The following SLC24A2 variants were observed in gnomAD, a reference collection of about 807,000 sequenced individuals.
SLC24A2 encodes the protein sodium/potassium/calcium exchanger 2.
Under a neutral mutation model 62.0 loss-of-function variants are expected in SLC24A2, and 36 were observed. That is an observed-to-expected ratio of 0.58 (90% CI 0.44 to 0.77). The LOEUF is 0.77. Among genes scored for constraint, SLC24A2 ranks in the 30% least tolerant of loss-of-function variants. The probability of loss-of-function intolerance (pLI) is 0.00; values close to 1 mark genes in which losing one functional copy is unlikely to be tolerated. For missense variants in SLC24A2, 846 were observed against 817.9 expected (o/e 1.03, Z -0.42); for synonymous variants, 358 against 294.0 (o/e 1.22, Z -2.23).
At chr9:19,529,809 G>C (rs1007322788) in intron 8 of SLC24A2, among the ~76,000 whole-genome samples, 1 of 150,570 alleles carries the variant, frequency 6.6e-6, no homozygotes, top group African/African-American at 2.4e-5. Context: ...GGAGTGCAGT[G>C]GCATGATCTT....
At chr9:20,039,578 G>A in the SLC24A2 span, among the ~76,000 whole-genome samples, 1 of 152,052 alleles carries the variant, frequency 6.6e-6, no homozygotes, top group Non-Finnish European at 1.5e-5. Flanking sequence ...GTGGAAATAG[G>A]CAGCAAGTCC....
At chr9:20,123,655 C>A in the SLC24A2 span, among the ~76,000 whole-genome samples, 1 of 152,090 alleles carries the variant, frequency 6.6e-6, no homozygotes, top group Admixed American at 6.6e-5. Context: ...GTCATGTGGA[C>A]TGAGCTAATA....
the SLC24A2 span, among the ~76,000 whole-genome samples, chr9:20,226,280 T>G: frequency 6.6e-6 from 1 of 152,114 alleles, no homozygotes; most frequent in Non-Finnish European, 1.5e-5. Flanking sequence ...AACCATGTAT[T>G]TTCTTCCAGC....
At chr9:19,850,988 T>TATATAC in the SLC24A2 span, among the ~76,000 whole-genome samples, 9 of 45,712 alleles carry the variant, frequency 2.0e-4, no homozygotes, top group South Asian at 2.0e-3. Flanking sequence ...TATATATGTA[T>TATATAC]ATATATATAT....
the SLC24A2 span, among the ~76,000 whole-genome samples, chr9:20,192,467 G>A: frequency 6.6e-6 from 1 of 152,120 alleles, no homozygotes; most frequent in African/African-American, 2.4e-5. Flanking sequence ...ATCTTGTAGA[G>A]GAGGAATCAT....
chr9:20,104,901 G>A, the SLC24A2 span, among the ~76,000 whole-genome samples: 1 of 152,042 alleles, frequency 6.6e-6, no homozygotes, highest in Non-Finnish European at 1.5e-5. Flanking sequence ...AGACACACTG[G>A]CAAACTGGAT....
At chr9:19,764,029 G>A (rs13294791) in intron 2 of SLC24A2, among the ~76,000 whole-genome samples, 3 of 152,098 alleles carry the variant, frequency 2.0e-5, no homozygotes, top group African/African-American at 7.2e-5. Flanking sequence ...CTTCTTCCTG[G>A]TTTAGTCTTG....
chr9:19,936,330 G>A, the SLC24A2 span, among the ~76,000 whole-genome samples: 74 of 152,272 alleles, frequency 4.9e-4, 1 homozygote, highest in East Asian at 0.014. Context: ...CTGGAGTAGG[G>A]TGACATGATC....
At chr9:20,061,765 C>G in the SLC24A2 span, among the ~76,000 whole-genome samples, 1 of 151,882 alleles carries the variant, frequency 6.6e-6, no homozygotes, top group Admixed American at 6.6e-5. Flanking sequence ...ATTTGTACGG[C>G]CTTTGGTTAG....
At chr9:19,942,416 C>A in the SLC24A2 span, among the ~76,000 whole-genome samples, 1 of 152,160 alleles carries the variant, frequency 6.6e-6, no homozygotes, top group Non-Finnish European at 1.5e-5. Flanking sequence ...GAATCAGTGT[C>A]TGATTCAGGA....
intron 2 of SLC24A2, among the ~76,000 whole-genome samples, chr9:19,660,905 G>A (rs535675517): frequency 5.0e-4 from 76 of 152,256 alleles, no homozygotes; most frequent in African/African-American, 1.8e-3. Flanking sequence ...GGCTTGGAGA[G>A]GTTTTGTAAT....
the SLC24A2 span, among the ~76,000 whole-genome samples, chr9:20,193,516 A>G: frequency 4.0e-5 from 6 of 151,840 alleles, no homozygotes; most frequent in Admixed American, 3.9e-4. Context: ...TATTTTTAAT[A>G]TATGTAATGT....
At chr9:20,160,646 A>C in the SLC24A2 span, among the ~76,000 whole-genome samples, 5 of 151,252 alleles carry the variant, frequency 3.3e-5, no homozygotes, top group Non-Finnish European at 7.4e-5. Context: ...AAATTATAAA[A>C]TATTCTATTA....
the SLC24A2 span, among the ~76,000 whole-genome samples, chr9:20,278,030 G>A: frequency 6.6e-6 from 1 of 151,816 alleles, no homozygotes; most frequent in Non-Finnish European, 1.5e-5. Flanking sequence ...GGTGGGAATT[G>A]AACAATGAGA....
chr9:20,264,924 G>T, the SLC24A2 span, among the ~76,000 whole-genome samples: 1 of 152,260 alleles, frequency 6.6e-6, no homozygotes, highest in East Asian at 1.9e-4. Context: ...GTCACTGTTG[G>T]ACTGTTGGAG....
the SLC24A2 span, among the ~76,000 whole-genome samples, chr9:19,919,297 CA>C: frequency 2.0e-5 from 3 of 152,062 alleles, no homozygotes; most frequent in African/African-American, 7.2e-5. Flanking sequence ...TTCTTTCACA[CA>C]CAGTTATTTT....
At chr9:20,097,059 C>T in the SLC24A2 span, among the ~76,000 whole-genome samples, 2 of 152,184 alleles carry the variant, frequency 1.3e-5, no homozygotes, top group African/African-American at 2.4e-5. Flanking sequence ...CAATATAATA[C>T]ATGATAAACA....
chr9:19,671,287 G>A lies in SLC24A2; in HGVS notation c.931-48988C>T, dbSNP rs535105067. On this transcript the variant is annotated intron_variant, in intron 2 of 10. Transcript: ENST00000341998. ...CCTCCTTGGTTAGGTATATTCCTCA[G>A]TATTTTATTATTATTATTTTTTGCA... Among the ~76,000 whole-genome samples, 6 of 151,734 alleles carry A rather than the reference G, an allele frequency of 4.0e-5. No homozygotes were observed. The South Asian group carries it at 1.3e-3, about 32-fold the overall frequency.
the SLC24A2 span, among the ~76,000 whole-genome samples, chr9:20,065,479 C>T: frequency 6.6e-6 from 1 of 152,056 alleles, no homozygotes; most frequent in Non-Finnish European, 1.5e-5. Flanking sequence ...GGGAGGTGAC[C>T]CTCACAGGAA....
Sources: gnomAD v4.1 joint callset for allele counts (sites outside exome capture counted in the v4.1 genomes callset) on GRCh38, gnomAD v4.1.1 for gene constraint, MANE v1.5 for transcripts, NCBI Gene and HGNC (gene_info 2026-07-23, HGNC 2026-07-21) for gene names.